Variants in TMEM94 observed in about 807,000 individuals in gnomAD.
TMEM94 encodes ER Mg2+ ATPase.
Under a neutral mutation model 158.6 loss-of-function variants are expected in TMEM94, and 81 were observed. The observed-to-expected ratio is 0.51, with a 90% CI of 0.43 to 0.61. The LOEUF is 0.61. Ranked by LOEUF, TMEM94 falls within the 20% of genes least tolerant of loss-of-function variation. The pLI is 0.00. For missense variants in TMEM94, 1,435 were observed against 1,762.0 expected, an observed-to-expected ratio of 0.81 and a Z score of 3.32; for synonymous variants, 751 against 730.7, an observed-to-expected ratio of 1.03 and a Z score of -0.45.
intron 1 of TMEM94, among the ~76,000 whole-genome samples, chr17:75,460,047 C>T (rs550153197): frequency 2.6e-5 from 4 of 152,122 alleles, no homozygotes; most frequent in Admixed American, 6.6e-5. Context: ...GCCACTGAGA[C>T]GGTAGTAAAC....
Position 75,485,780 on chromosome 17 carries a change from G to A in TMEM94, c.145-91G>A, listed in dbSNP as rs538886750. The stretch of plus-strand genomic sequence containing the variant: ...GAGGTCAAAGAGAGGGGACCAAGGC[G>A]GCCATGGGGGCTGGGAAGGGTGCCG... On this transcript the variant is annotated intron_variant, in intron 3 of 31. Transcript: ENST00000314256. This position sits in a 1 kb window ranked among gnomAD's most constrained non-coding sequence, Gnocchi z 5.5. The A allele has an allele frequency of 2.0e-4, 298 of 1,470,196 alleles. No homozygotes were observed. Among genetic ancestry groups the A allele is most frequent in the South Asian group, 6.9e-4 (51 of 74,362 alleles). The allele number at this position is 1,470,196 out of a possible 1,614,324, so 91.1% of individuals were successfully genotyped here.
chr17:75,466,581 C>T (rs1038941835), intron 1 of TMEM94, among the ~76,000 whole-genome samples: 6 of 151,940 alleles, frequency 3.9e-5, no homozygotes, highest in Non-Finnish European at 5.9e-5. Context: ...TTTGGGAGGC[C>T]GAGGCAGGTG....
In TMEM94 at chr17:75,492,673, C is replaced by G. The variant is rs1395446156; in HGVS notation, c.1796C>G (p.Thr599Ser). The G allele has an allele frequency of 3.1e-6, 5 of 1,613,894 alleles. No individual in the cohort carries two copies. The highest frequency in any genetic ancestry group is 4.2e-6 in the Non-Finnish European group (5 of 1,180,024). ...VLLNLCDASVTERLCRFSDHL... is the reference protein window; with the variant it reads ...VLLNLCDASVSERLCRFSDHL... The stretch of plus-strand genomic sequence containing the variant: ...CTGAACCTGTGTGATGCCAGCGTCA[C>G]CGAGCGCCTGTGCCGATTCTCCGAC... The change falls in exon 15 of 32, where the codon ACC (threonine) becomes AGC (serine). Residue 599 changes from threonine (T) to serine (S), a missense_variant. Thr to Ser is a moderately conservative substitution (Grantham distance 58, BLOSUM62 1). This residue lies in a region of TMEM94 where 1,051 missense variants were observed against 1,254.4 expected (regional missense o/e 0.84). Coordinates refer to ENST00000314256, the MANE Select transcript of TMEM94 (RefSeq NM_014738.6). The surrounding 1 kb of genome is among the most constrained non-coding windows in gnomAD (Gnocchi z 4.4).
Position 75,492,545 on chromosome 17 carries a change from G to C in TMEM94, c.1668G>C (p.Leu556=). Residue 556 remains leucine, a synonymous_variant, in exon 15 of 32, where the codon CTG becomes CTC. Coordinates refer to ENST00000314256, the MANE Select transcript of TMEM94 (RefSeq NM_014738.6). The surrounding 1 kb of genome is among the most constrained non-coding windows in gnomAD (Gnocchi z 4.4). ...DFVCDYHLEM[L]SLSQDQQNPS... is the part of the protein sequence containing the mutation. Reference sequence around the variant, plus strand: ...TGTGTGACTACCACCTGGAGATGCTGAGCCTGTCCCAGGACCAGCAGAACC... The same window carrying C: ...TGTGTGACTACCACCTGGAGATGCTCAGCCTGTCCCAGGACCAGCAGAACC... 6.2e-7 allele frequency: 1 copy of C among 1,613,898 alleles called. No individual in the cohort carries two copies. The highest frequency in any genetic ancestry group is 8.5e-7 in the Non-Finnish European group (1 of 1,179,920).
In TMEM94 at chr17:75,463,045, T is replaced by A. The variant is rs1270672016; in HGVS notation, c.-107+6294T>A. The stretch of plus-strand genomic sequence containing the variant: ...AAAAAAAAAAAAAAAAAAATATATA[T>A]ATATATATATATATATATATATATA... On this transcript the variant is annotated intron_variant, in intron 1 of 31. Coordinates refer to ENST00000314256, the MANE Select transcript of TMEM94 (RefSeq NM_014738.6). Among the ~76,000 whole-genome samples, 9 of 2,634 alleles carry A rather than the reference T, an allele frequency of 3.4e-3. 2 individuals are homozygous for A. Among genetic ancestry groups the A allele is most frequent in the African/African-American group, 0.028 (9 of 320 alleles). 1.7% of individuals were successfully genotyped at this position (2,634 alleles called of 152,430 possible).
intron 4 of TMEM94, 27 bp from the exon 5 acceptor site, chr17:75,486,263 G>A (rs754262540): frequency 1.2e-6 from 2 of 1,613,402 alleles, no homozygotes; most frequent in African/African-American, 2.7e-5. Context: ...ACTCCCTGTG[G>A]GTGCGGCCTC....
At chr17:75,461,650 G>T (rs892561672) in intron 1 of TMEM94, among the ~76,000 whole-genome samples, 4 of 151,880 alleles carry the variant, frequency 2.6e-5, no homozygotes, top group African/African-American at 9.7e-5. Flanking sequence ...TAGGCCGGGC[G>T]CAGTGGCTCA....
rs368472205 is a variant in TMEM94, at chr17:75,498,891, C to T, written c.3828-21C>T. 4.8e-5 allele frequency: 74 copies of T among 1,532,400 alleles called. 1 individual carries two copies. The highest frequency in any genetic ancestry group is 1.4e-4 in the East Asian group (6 of 44,052). 94.9% of individuals were successfully genotyped at this position (1,532,400 alleles called of 1,614,324 possible). On this transcript the variant is annotated intron_variant, in intron 30 of 31. Transcript: ENST00000314256. This position sits in a 1 kb window ranked among gnomAD's most constrained non-coding sequence, Gnocchi z 6.7. Reference sequence around the variant, plus strand: ...GGAAGCAAGCAGTGTCGGGTTCACACGGGGCCGCCACCTCCTGCAGGCTGC... The same window carrying T: ...GGAAGCAAGCAGTGTCGGGTTCACATGGGGCCGCCACCTCCTGCAGGCTGC...
chr17:75,488,613 C>T (rs56323400), intron 6 of TMEM94, 146 bp from the exon 7 acceptor site: 53,224 of 901,468 alleles, frequency 0.059, 3,321 homozygotes, highest in African/African-American at 0.27. Context: ...CGCTAAAAGT[C>T]TAGTCCCACA....
chr17:75,463,271 T>C (rs1339891489), intron 1 of TMEM94, among the ~76,000 whole-genome samples: 1 of 149,466 alleles, frequency 6.7e-6, no homozygotes, highest in Non-Finnish European at 1.5e-5. Flanking sequence ...CTAGTTCCTG[T>C]TTTGGGGCCT....
At position 75,493,095 on chromosome 17, in the gene TMEM94, C is replaced by G; in HGVS notation, c.2079C>G (p.Thr693=). 1 of 1,612,944 alleles carries G rather than the reference C, an allele frequency of 6.2e-7. No individual in the cohort carries two copies. Among genetic ancestry groups the G allele is most frequent in the Non-Finnish European group, 8.5e-7 (1 of 1,179,830 alleles). The change falls in exon 16 of 32, where the codon ACC becomes ACG. Residue 693 remains threonine, a synonymous_variant. Transcript: ENST00000314256. Reference sequence around the variant, plus strand: ...TGATCAGCCTCTTCATTAAAGACACCACCACCAGTGAGCCCTGGCTACGTT... The same window carrying G: ...TGATCAGCCTCTTCATTAAAGACACGACCACCAGTGAGCCCTGGCTACGTT... ...SHMISLFIKD[T]TTSTEQMLSH...
rs1445585596 is a variant in TMEM94 at position 75,496,740 on chromosome 17, C to A, written c.3254C>A (p.Ala1085Asp). 1.9e-6 allele frequency: 3 copies of A among 1,613,700 alleles called. No homozygotes were observed. Among genetic ancestry groups the A allele is most frequent in the Non-Finnish European group, 2.5e-6 (3 of 1,179,980 alleles). ...IIRLIEQARH[A>D]TYGIRKCFLF... ...CCTCTTGGTCCCTAGGCTCGGCATG[C>A]CACCTATGGCATCCGTAAGTGCTTC... Residue 1085 changes from alanine to aspartate, a missense_variant, in exon 25 of 32, where the codon GCC becomes GAC. By Grantham distance (126) the Ala-to-Asp change is moderately radical. Coordinates refer to ENST00000314256, the MANE Select transcript of TMEM94 (RefSeq NM_014738.6).
At position 75,498,896 on chromosome 17, in the gene TMEM94, C is replaced by A; in HGVS notation, c.3828-16C>A. 2 of 1,533,788 alleles carry A rather than the reference C, an allele frequency of 1.3e-6. No individual in the cohort carries two copies. The highest frequency in any genetic ancestry group is 1.8e-6 in the Non-Finnish European group (2 of 1,141,402). ...CAAGCAGTGTCGGGTTCACACGGGGCCGCCACCTCCTGCAGGCTGCTGGGT... is the reference window on the plus strand; with the variant it reads ...CAAGCAGTGTCGGGTTCACACGGGGACGCCACCTCCTGCAGGCTGCTGGGT... On this transcript the variant is annotated splice_polypyrimidine_tract_variant and intron_variant, in intron 30 of 31. Coordinates refer to ENST00000314256, the MANE Select transcript of TMEM94 (RefSeq NM_014738.6). This position sits in a 1 kb window ranked among gnomAD's most constrained non-coding sequence, Gnocchi z 6.7.
At position 75,497,813 on chromosome 17, in the gene TMEM94, C is replaced by T; in HGVS notation, c.3440C>T (p.Ser1147Phe). The change falls in exon 27 of 32, where the codon TCC becomes TTC. Residue 1147 changes from serine to phenylalanine, a missense_variant. By Grantham distance (155) the Ser-to-Phe change is radical. Around this residue, in one of 3 missense-constraint regions of TMEM94, gnomAD observed 335 missense variants for 409.1 expected, o/e 0.82. Coordinates refer to ENST00000314256, the MANE Select transcript of TMEM94 (RefSeq NM_014738.6). ...ISLLGKPPHSSIMSMATGKNL... is the reference protein window; with the variant it reads ...ISLLGKPPHSFIMSMATGKNL... ...CTGCTGGGGAAGCCCCCCCATAGCT[C>T]CATCATGTCTATGGCAACGGGGAAA... The T allele has an allele frequency of 1.2e-6, 2 of 1,614,004 alleles. No homozygotes were observed. Among genetic ancestry groups the T allele is most frequent in the Non-Finnish European group, 1.7e-6 (2 of 1,179,968 alleles).
rs1250226416 is a variant in TMEM94, at chr17:75,496,490, A to G, written c.3243+19A>G. On this transcript the variant is annotated intron_variant, in intron 24 of 31. Transcript: ENST00000314256. ...CGAACAGGTGGGTGCTTCGGCAGGC[A>G]AAGGAGGAGAGACGCAGGACAGGAC... 3 of 1,607,708 alleles carry G rather than the reference A, an allele frequency of 1.9e-6. No homozygotes were observed. The highest frequency in any genetic ancestry group is 2.6e-6 in the Non-Finnish European group (3 of 1,176,116).
rs760821386 is a variant in TMEM94, at chr17:75,492,969, C to A, written c.1953C>A (p.Asn651Lys). ...PGAKELFKQENHLALYRLPSA... is the reference protein window; with the variant it reads ...PGAKELFKQEKHLALYRLPSA... ...CCAAGGAGCTTTTCAAGCAGGAGAA[C>A]CATCTGGCGCTGTACCGCCTCCCCA... Residue 651 changes from asparagine (N) to lysine (K), a missense_variant, in exon 16 of 32, where the codon AAC becomes AAA. By Grantham distance (94) the Asn-to-Lys change is moderately conservative. Transcript: ENST00000314256. This position sits in a 1 kb window ranked among gnomAD's most constrained non-coding sequence, Gnocchi z 4.4. 6.8e-6 allele frequency: 11 copies of A among 1,613,640 alleles called. No homozygotes were observed. Among genetic ancestry groups the A allele is most frequent in the Admixed American group, 1.7e-5 (1 of 59,998 alleles).
At chr17:75,488,169 G>T (rs371322575) in intron 6 of TMEM94, 35 bp downstream of exon 6, 5 of 1,602,800 alleles carry the variant, frequency 3.1e-6, no homozygotes, top group Non-Finnish European at 3.4e-6. Flanking sequence ...TTGGAAATGC[G>T]GTGGGAACAT....
chr17:75,473,115 C>T (rs956194517), intron 2 of TMEM94, among the ~76,000 whole-genome samples: 6 of 152,278 alleles, frequency 3.9e-5, no homozygotes, highest in Admixed American at 2.0e-4. Flanking sequence ...TTGGGAAGGT[C>T]TAGAGAGGGG....
rs575713272 is a variant in TMEM94, at chr17:75,484,064, C to T, written c.25-1364C>T. Among the ~76,000 whole-genome samples the T allele has an allele frequency of 1.5e-3, 222 of 152,288 alleles. 1 individual carries two copies. The highest frequency in any genetic ancestry group is 1.3e-3 in the Non-Finnish European group (90 of 68,022). On this transcript the variant is annotated intron_variant, in intron 2 of 31. Coordinates refer to ENST00000314256, the MANE Select transcript of TMEM94 (RefSeq NM_014738.6). ...ACAGGGAAAGGCTGGGCCACAAGGT[C>T]GCCTAAGATGATGTGGTTGGTCCCT...
Sources: gnomAD v4.1 joint callset for allele counts (sites outside exome capture counted in the v4.1 genomes callset) on GRCh38, gnomAD v4.1.1 for gene constraint, gnomAD v4.1.1 regional missense constraint, Gnocchi (gnomAD v3.1) non-coding constraint, MANE v1.5 for transcripts, NCBI Gene and HGNC (gene_info 2026-07-23, HGNC 2026-07-21) for gene names.